The following AMPH variants were observed in gnomAD, a reference collection of about 807,000 sequenced individuals.
AMPH encodes amphiphysin, also known as amphiphysin (Stiff-Mann syndrome with breast cancer 128kD autoantigen).
In AMPH, 49 loss-of-function variants were observed where a neutral mutation model predicts 99.1. The ratio of observed to expected loss-of-function variants is 0.49; its 90% CI spans 0.39 to 0.63. The LOEUF is 0.63. Ranked by LOEUF, AMPH falls within the 20% of genes least tolerant of loss-of-function variation. AMPH has a pLI of 0.00. For synonymous variants in AMPH, 314 were observed against 317.3 expected (o/e 0.99, Z 0.11); for missense variants, 759 against 863.4 (o/e 0.88, Z 1.52).
intron 1 of AMPH, among the ~76,000 whole-genome samples, chr7:38,566,602 G>A (rs1791753785): frequency 6.6e-6 from 1 of 152,234 alleles, no homozygotes; most frequent in Non-Finnish European, 1.5e-5. Flanking sequence ...TCATCAGAGT[G>A]AACAGGCAAC....
At chr7:38,622,776 G>C (rs1794117541) in intron 1 of AMPH, among the ~76,000 whole-genome samples, 1 of 152,126 alleles carries the variant, frequency 6.6e-6, no homozygotes, top group African/African-American at 2.4e-5. Context: ...TTTGAGAATG[G>C]CTTGTATAAT....
intron 5 of AMPH, among the ~76,000 whole-genome samples, chr7:38,477,512 A>G (rs576877482): frequency 6.6e-6 from 1 of 152,338 alleles, no homozygotes; most frequent in East Asian, 1.9e-4. Flanking sequence ...CCAAAGACAC[A>G]GGGCCAAAGG....
intron 4 of AMPH, among the ~76,000 whole-genome samples, chr7:38,494,123 AT>A (rs1788832172): frequency 6.6e-6 from 1 of 152,024 alleles, no homozygotes; most frequent in African/African-American, 2.4e-5. Flanking sequence ...TGCCCGGCTA[AT>A]TTTTTTGTAT....
intron 11 of AMPH, among the ~76,000 whole-genome samples, chr7:38,437,473 A>C (rs557136102): frequency 1.1e-4 from 16 of 152,026 alleles, no homozygotes; most frequent in Admixed American, 1.0e-3. Flanking sequence ...ACAGACATTA[A>C]AAACTGAGAA....
intron 4 of AMPH, among the ~76,000 whole-genome samples, chr7:38,493,766 G>C (rs1389323557): frequency 6.6e-6 from 1 of 152,264 alleles, no homozygotes; most frequent in East Asian, 1.9e-4. Flanking sequence ...CTGCATTTGG[G>C]GAGGCATAGT....
In AMPH at chr7:38,525,273, T is replaced by TAGAGAGAGAG. The variant is rs1360827159; in HGVS notation, c.150+9657_150+9658insCTCTCTCTCT. Among the ~76,000 whole-genome samples the TAGAGAGAGAG allele has an allele frequency of 4.9e-3, 412 of 83,250 alleles. 2 individuals carry two copies. The highest frequency in any genetic ancestry group is 6.6e-3 in the Non-Finnish European group (280 of 42,344). 54.6% of individuals were successfully genotyped at this position (83,250 alleles called of 152,430 possible). The stretch of plus-strand genomic sequence containing the variant: ...GTGTGTGTGTGTATATATATATATA[T>TAGAGAGAGAG]ATATAGAGAGAGAGAGAGAGAGAGA... On this transcript the variant is annotated intron_variant, in intron 2 of 20. Transcript: ENST00000356264.
intron 5 of AMPH, among the ~76,000 whole-genome samples, chr7:38,489,408 G>A (rs927809479): frequency 6.6e-6 from 1 of 151,398 alleles, no homozygotes; most frequent in Non-Finnish European, 1.5e-5. Flanking sequence ...AAAAGTTGAG[G>A]GGGGGGGAAG....
intron 1 of AMPH, among the ~76,000 whole-genome samples, chr7:38,548,951 C>T (rs1791087504): frequency 6.6e-6 from 1 of 152,214 alleles, no homozygotes; most frequent in South Asian, 2.1e-4. Flanking sequence ...ATGGATCCTC[C>T]ATGTTGAACA....
chr7:38,489,477 G>T (rs775847431), intron 5 of AMPH, among the ~76,000 whole-genome samples: 19 of 151,902 alleles, frequency 1.3e-4, no homozygotes, highest in Non-Finnish European at 2.9e-5. Context: ...ATGATTTCTT[G>T]GACTTGACAC....
intron 17 of AMPH, among the ~76,000 whole-genome samples, chr7:38,402,922 A>C (rs1055165807): frequency 6.6e-6 from 1 of 152,230 alleles, no homozygotes; most frequent in African/African-American, 2.4e-5. Context: ...GAAAACAAAA[A>C]AAACTAGTAA....
chr7:38,559,750 T>C (rs1428395499), intron 1 of AMPH, among the ~76,000 whole-genome samples: 2 of 152,178 alleles, frequency 1.3e-5, no homozygotes, highest in Non-Finnish European at 2.9e-5. Flanking sequence ...TGTCGCATAA[T>C]TAGTAAGTGA....
chr7:38,518,805 G>A (rs1268053612), intron 2 of AMPH, among the ~76,000 whole-genome samples: 1 of 152,128 alleles, frequency 6.6e-6, no homozygotes, highest in African/African-American at 2.4e-5. Context: ...TGGGGCTGTT[G>A]GGATGGAATA....
intron 1 of AMPH, among the ~76,000 whole-genome samples, chr7:38,621,484 A>G (rs1257385738): frequency 2.6e-5 from 4 of 152,200 alleles, no homozygotes; most frequent in Non-Finnish European, 1.5e-5. Context: ...TAGAATAGAT[A>G]ACTAATAAAG....
chr7:38,438,086 T>A (rs929966872), intron 11 of AMPH, among the ~76,000 whole-genome samples: 5 of 152,220 alleles, frequency 3.3e-5, no homozygotes, highest in African/African-American at 9.6e-5. Context: ...TTTCCCCAAC[T>A]TTTATGTAGG....
chr7:38,527,479 CAT>C (rs995438676), intron 2 of AMPH, among the ~76,000 whole-genome samples: 31 of 152,222 alleles, frequency 2.0e-4, no homozygotes, highest in Non-Finnish European at 4.3e-4. Flanking sequence ...TAAATTTACA[CAT>C]ATATATTTCT....
chr7:38,486,530 C>A (rs991747841), intron 5 of AMPH, among the ~76,000 whole-genome samples: 7 of 152,016 alleles, frequency 4.6e-5, no homozygotes, highest in Admixed American at 2.6e-4. Context: ...AATGCCAATT[C>A]TTCTCAAGCT....
chr7:38,612,677 G>T, intron 1 of AMPH, among the ~76,000 whole-genome samples: 1 of 152,152 alleles, frequency 6.6e-6, no homozygotes, highest in East Asian at 1.9e-4. Context: ...TTTCCCCATG[G>T]TTGAAGATGA....
intron 1 of AMPH, among the ~76,000 whole-genome samples, chr7:38,588,275 AT>A (rs1214478392): frequency 1.3e-5 from 2 of 152,122 alleles, no homozygotes; most frequent in Non-Finnish European, 2.9e-5. Context: ...ATTAATTAAG[AT>A]GGAAGATGGG....
intron 11 of AMPH, among the ~76,000 whole-genome samples, chr7:38,445,765 C>T (rs927454713): frequency 4.6e-5 from 7 of 152,116 alleles, no homozygotes; most frequent in African/African-American, 1.7e-4. Context: ...GGATTTGTGT[C>T]CCCACTCAAA....
Sources: gnomAD v4.1 joint callset for allele counts (sites outside exome capture counted in the v4.1 genomes callset) on GRCh38, gnomAD v4.1.1 for gene constraint, MANE v1.5 for transcripts, NCBI Gene and HGNC (gene_info 2026-07-23, HGNC 2026-07-21) for gene names.